Variants in EMB observed in about 807,000 individuals in gnomAD.
EMB encodes the protein embigin homolog.
In EMB, 31 loss-of-function variants were observed where a neutral mutation model predicts 41.4. The observed-to-expected ratio is 0.75, with a 90% CI of 0.56 to 1.01. The LOEUF (loss-of-function observed/expected upper bound fraction) is 1.01, where lower values mean the gene tolerates loss of function less well. Among genes scored for constraint, EMB ranks in the 50% least tolerant of loss-of-function variants. The pLI, the probability that EMB is intolerant of heterozygous loss-of-function variation, is 0.00. For missense variants in EMB, 379 were observed against 388.3 expected (o/e 0.98, Z 0.20); for synonymous variants, 137 against 140.4 (o/e 0.98, Z 0.17).
At chr5:50,434,776 T>C (rs908685392) in intron 1 of EMB, among the ~76,000 whole-genome samples, 8 of 152,240 alleles carry the variant, frequency 5.3e-5, no homozygotes, top group African/African-American at 1.7e-4. Flanking sequence ...ATTCATAATT[T>C]CTATTCTAAC....
chr5:50,429,962 C>A (rs1745685570), intron 1 of EMB, among the ~76,000 whole-genome samples: 1 of 83,802 alleles, frequency 1.2e-5, no homozygotes, highest in Admixed American at 1.1e-4. Flanking sequence ...CCCTCCCCAA[C>A]TCTCTTTCTC....
At chr5:50,409,408 A>C (rs1745298739) in intron 4 of EMB, among the ~76,000 whole-genome samples, 1 of 152,116 alleles carries the variant, frequency 6.6e-6, no homozygotes, top group Non-Finnish European at 1.5e-5. Flanking sequence ...AAAGTGTTTA[A>C]AGTTGAATAT....
At chr5:50,440,951 C>T (rs2111884722) in intron 1 of EMB, 89 bp downstream of exon 1, 3 of 983,100 alleles carry the variant, frequency 3.1e-6, no homozygotes, top group East Asian at 3.3e-5. Flanking sequence ...CCACCCTTGC[C>T]CGGCGCGCCG....
chr5:50,419,626 G>T (rs1189963389), intron 2 of EMB, among the ~76,000 whole-genome samples: 1 of 151,824 alleles, frequency 6.6e-6, no homozygotes, highest in Non-Finnish European at 1.5e-5. Context: ...AGACTGGAGA[G>T]GGTGTGGAAA....
chr5:50,419,796 T>C (rs1745488225), intron 2 of EMB, among the ~76,000 whole-genome samples: 1 of 152,096 alleles, frequency 6.6e-6, no homozygotes, highest in Non-Finnish European at 1.5e-5. Flanking sequence ...CCATCAATGA[T>C]AGACTGGATA....
chr5:50,422,118 G>C (rs918804649), intron 2 of EMB, among the ~76,000 whole-genome samples: 3 of 151,966 alleles, frequency 2.0e-5, no homozygotes, highest in Non-Finnish European at 2.9e-5. Context: ...CAGATAAAAA[G>C]ATATGTTTTT....
chr5:50,428,871 A>G, intron 1 of EMB: 1 of 256,486 alleles, frequency 3.9e-6, no homozygotes, highest in Non-Finnish European at 6.1e-6. Context: ...AAGTTACTTT[A>G]TTTATTTTAT....
intron 6 of EMB, 137 bp from the exon 7 acceptor site, chr5:50,402,456 A>G (rs965924170): frequency 9.4e-6 from 7 of 740,754 alleles, no homozygotes; most frequent in African/African-American, 9.0e-5. Context: ...GAGACATGCT[A>G]CCTTAAACAC....
chr5:50,425,252 C>T (rs1015159407), intron 2 of EMB, among the ~76,000 whole-genome samples: 4 of 152,062 alleles, frequency 2.6e-5, no homozygotes, highest in Non-Finnish European at 5.9e-5. Flanking sequence ...TTACATTGTG[C>T]CTTAATTTGC....
intron 2 of EMB, among the ~76,000 whole-genome samples, chr5:50,420,295 C>T (rs1300492688): frequency 6.6e-6 from 1 of 152,232 alleles, no homozygotes; most frequent in Non-Finnish European, 1.5e-5. Context: ...AAACTGAAAG[C>T]ATGGCCTGCT....
intron 2 of EMB, among the ~76,000 whole-genome samples, chr5:50,422,097 T>C (rs867093517): frequency 1.3e-5 from 2 of 152,258 alleles, no homozygotes; most frequent in East Asian, 1.9e-4. Context: ...AATCTGTTTT[T>C]TTAAAAAGAA....
chr5:50,442,806 A>G (rs942513224), upstream of EMB: 25 of 152,322 alleles, frequency 1.6e-4, no homozygotes, highest in African/African-American at 5.8e-4. Flanking sequence ...TAGAGTGTCA[A>G]CAGTAAGCAC....
chr5:50,428,597 A>G (rs1745662339), intron 1 of EMB: 4 of 989,298 alleles, frequency 4.0e-6, no homozygotes, highest in African/African-American at 3.5e-5. Flanking sequence ...AGGCAGAGAG[A>G]GAAGATGAAA....
chr5:50,425,971 G>C (rs1745605012), intron 2 of EMB, among the ~76,000 whole-genome samples: 1 of 152,040 alleles, frequency 6.6e-6, no homozygotes, highest in Admixed American at 6.5e-5. Context: ...GGCAGCAAAT[G>C]CAACTTCTAA....
At chr5:50,402,051 T>G (rs1161675556) in intron 7 of EMB, among the ~76,000 whole-genome samples, 1 of 151,954 alleles carries the variant, frequency 6.6e-6, no homozygotes, top group Admixed American at 6.6e-5. Context: ...GTACTATTAT[T>G]AAATCCATTT....
At chr5:50,441,550 C>T (rs116125715), upstream of EMB, among the ~76,000 whole-genome samples, 2,901 of 152,278 alleles carry the variant, frequency 0.019, 102 homozygotes, top group African/African-American at 0.067. Context: ...TTGCACTTCA[C>T]CTGAGGCAGG....
At chr5:50,426,898 G>GAAA (rs60515065) in intron 2 of EMB, among the ~76,000 whole-genome samples, 1 of 105,638 alleles carries the variant, frequency 9.5e-6, no homozygotes. Context: ...CAGTAAAAAA[G>GAAA]AAAAAAAAAA....
At chr5:50,415,807 G>A (rs1027072413) in intron 2 of EMB, among the ~76,000 whole-genome samples, 2 of 152,054 alleles carry the variant, frequency 1.3e-5, no homozygotes, top group African/African-American at 4.8e-5. Flanking sequence ...CCTTCAAACT[G>A]TTGAAACAAG....
chr5:50,426,292 C>CA (rs918983449), intron 2 of EMB, among the ~76,000 whole-genome samples: 1 of 152,136 alleles, frequency 6.6e-6, no homozygotes, highest in African/African-American at 2.4e-5. Context: ...TCCTCACCTG[C>CA]AAATTACAAA....
Sources: gnomAD v4.1 joint callset for allele counts (sites outside exome capture counted in the v4.1 genomes callset) on GRCh38, gnomAD v4.1.1 for gene constraint, MANE v1.5 for transcripts, NCBI Gene and HGNC (gene_info 2026-07-23, HGNC 2026-07-21) for gene names.